The following ARSL variants were observed in gnomAD, a reference collection of about 807,000 sequenced individuals.
The protein encoded by ARSL is arylsulfatase L.
In ARSL, 4 loss-of-function variants were observed where a neutral mutation model predicts 31.1. The ratio of observed to expected loss-of-function variants is 0.13; its 90% CI spans 0.06 to 0.29. The LOEUF (loss-of-function observed/expected upper bound fraction) is 0.29, where lower values mean the gene tolerates loss of function less well. Among genes scored for constraint, ARSL ranks in the 10% least tolerant of loss-of-function variants. ARSL has a pLI of 1.00. For missense variants in ARSL, 312 were observed against 497.8 expected (o/e 0.63, Z 3.55); for synonymous variants, 198 against 209.9 (o/e 0.94, Z 0.49).
At chrX:2,960,805 G>T (rs781110434) in intron 1 of ARSL, among the ~76,000 whole-genome samples, 2 of 111,203 alleles carry the variant, frequency 1.8e-5, no homozygotes, top group Non-Finnish European at 3.8e-5. Context: ...CCCAGGGCAG[G>T]GGTGATTCCT....
intron 2 of ARSL, among the ~76,000 whole-genome samples, chrX:2,960,113 C>CAA (rs1462437508): frequency 1.1e-5 from 1 of 95,224 alleles, no homozygotes; most frequent in Non-Finnish European, 2.1e-5. Context: ...ACTAAAAATA[C>CAA]AAAAAATTAG....
upstream of ARSL, among the ~76,000 whole-genome samples, chrX:2,965,824 C>T (rs895399313): frequency 4.5e-5 from 5 of 112,030 alleles, no homozygotes; most frequent in Admixed American, 1.9e-4. Flanking sequence ...TCGCTTGAAC[C>T]CGGGAGACGG....
intron 8 of ARSL, among the ~76,000 whole-genome samples, chrX:2,941,868 G>C (rs2089287187): frequency 1.8e-5 from 2 of 112,418 alleles, no homozygotes; most frequent in South Asian, 7.3e-4. Flanking sequence ...CTCTTCAAAT[G>C]TTTTACAGAG....
chrX:2,944,311 A>T (rs1023014754), intron 7 of ARSL, among the ~76,000 whole-genome samples: 1 of 108,682 alleles, frequency 9.2e-6, no homozygotes, highest in Non-Finnish European at 1.9e-5. Flanking sequence ...AAAATTAGCC[A>T]GGCATGGTGG....
chrX:2,952,091 T>C (rs1250680258), intron 5 of ARSL, among the ~76,000 whole-genome samples: 2 of 110,846 alleles, frequency 1.8e-5, no homozygotes, highest in Admixed American at 9.8e-5. Context: ...AATTTTATTT[T>C]TCATCCAATA....
intron 5 of ARSL, among the ~76,000 whole-genome samples, chrX:2,950,414 T>C (rs1356707742): frequency 9.0e-6 from 1 of 111,621 alleles, no homozygotes; most frequent in Non-Finnish European, 1.9e-5. Context: ...TAAAATGAGG[T>C]CATTAGTTTG....
chrX:2,957,708 CAAA>C (rs761423845), intron 3 of ARSL, among the ~76,000 whole-genome samples: 2 of 53,977 alleles, frequency 3.7e-5, no homozygotes, highest in African/African-American at 6.3e-5. Flanking sequence ...GATTCTGTCT[CAAA>C]AAAAAAAAAA....
At chrX:2,960,327 A>C in intron 2 of ARSL, 51 bp downstream of exon 2, 2 of 770,977 alleles carry the variant, frequency 2.6e-6, no homozygotes, top group South Asian at 5.2e-5. Context: ...GAAGAGAAAG[A>C]AAGAAAGAAA....
At chrX:2,965,564 A>T (rs1430816592), upstream of ARSL, among the ~76,000 whole-genome samples, 2 of 110,467 alleles carry the variant, frequency 1.8e-5, no homozygotes, top group Non-Finnish European at 3.8e-5. Context: ...CAAAAAAAAA[A>T]GTAAAAAAAG....
At chrX:2,966,215 AT>A (rs751615399), upstream of ARSL, among the ~76,000 whole-genome samples, 35 of 111,306 alleles carry the variant, frequency 3.1e-4, no homozygotes, top group South Asian at 0.013. Context: ...AGCCTGACTC[AT>A]TTTTACAAGT....
rs73632981 is a variant in ARSL at position 2,935,824 on chromosome X, T to C, written c.1412-634A>G. Among the ~76,000 whole-genome samples the C allele has an allele frequency of 7.0e-3, 755 of 107,949 alleles. 6 individuals carry two copies. Among genetic ancestry groups the C allele is most frequent in the African/African-American group, 0.023 (694 of 29,596 alleles). The allele number at this position is 107,949 out of a possible 115,157, so 93.7% of individuals were successfully genotyped here. On this transcript the variant is annotated intron_variant, in intron 10 of 10. Coordinates refer to ENST00000381134, the MANE Select transcript of ARSL (RefSeq NM_000047.3). Reference sequence around the variant, plus strand: ...TCACAAGTAGCTGGGATTACAGGAGTGCGCCTGTAATTGTTCACAAAGAAG... The same window carrying C: ...TCACAAGTAGCTGGGATTACAGGAGCGCGCCTGTAATTGTTCACAAAGAAG...
At chrX:2,939,260 C>T (rs975361834) in intron 8 of ARSL, among the ~76,000 whole-genome samples, 1 of 111,429 alleles carries the variant, frequency 9.0e-6, no homozygotes, top group Non-Finnish European at 1.9e-5. Context: ...GTGATGTGGC[C>T]ACAAGCTCAG....
intron 8 of ARSL, among the ~76,000 whole-genome samples, chrX:2,939,890 A>C (rs1393667067): frequency 2.2e-3 from 110 of 50,773 alleles, no homozygotes; most frequent in South Asian, 8.5e-3. Flanking sequence ...TTTTTTTTTG[A>C]GACAGAGTCT....
intron 5 of ARSL, among the ~76,000 whole-genome samples, chrX:2,951,585 C>T (rs1464235959): frequency 4.5e-5 from 4 of 88,752 alleles, no homozygotes; most frequent in Non-Finnish European, 6.3e-5. Context: ...GGAGACCAGC[C>T]TGGGTAGCAT....
chrX:2,959,765 T>C lies in ARSL; in HGVS notation c.23+613A>G, dbSNP rs911361792. The C allele has an allele frequency of 9.9e-6, 11 of 1,107,551 alleles. No individual in the cohort carries two copies. In the East Asian group the frequency reaches 2.3e-4, roughly 24 times the overall value. 91.3% of individuals were successfully genotyped at this position (1,107,551 alleles called of 1,213,427 possible). ...ATTCTGAGAAAGCACCATCAAGAGATCCAGAAGCGGTCAGGCGTGGTGGCT... is the reference window on the plus strand; with the variant it reads ...ATTCTGAGAAAGCACCATCAAGAGACCCAGAAGCGGTCAGGCGTGGTGGCT... On this transcript the variant is annotated intron_variant, in intron 2 of 10. Coordinates refer to ENST00000381134, the MANE Select transcript of ARSL (RefSeq NM_000047.3).
intron 2 of ARSL, chrX:2,959,465 A>T: frequency 1.2e-6 from 1 of 806,817 alleles, no homozygotes; most frequent in South Asian, 3.5e-5. Flanking sequence ...ATGCACATGG[A>T]CAGCAGGGCC....
chrX:2,943,107 G>A lies in ARSL; in HGVS notation c.1084C>T (p.Leu362Phe). Residue 362 changes from leucine (L) to phenylalanine (F), a missense_variant, in exon 8 of 11, where the codon CTT becomes TTT. Leu to Phe is a conservative substitution (Grantham distance 22). Coordinates refer to ENST00000381134, the MANE Select transcript of ARSL (RefSeq NM_000047.3). ...SDHGGSLENQLGNTQYGGWNG... is the reference protein window; with the variant it reads ...SDHGGSLENQFGNTQYGGWNG... ...CAGCCACCATACTGGGTGTTTCCAAGTTGATTCTCTAGGGAACCGCCGTGA... is the reference window on the plus strand; with the variant it reads ...CAGCCACCATACTGGGTGTTTCCAAATTGATTCTCTAGGGAACCGCCGTGA... 1 of 1,211,179 alleles carries A rather than the reference G, an allele frequency of 8.3e-7. No homozygotes were observed. The highest frequency in any genetic ancestry group is 1.1e-6 in the Non-Finnish European group (1 of 895,283).
intron 1 of ARSL, 48 bp from the exon 2 acceptor site, chrX:2,960,468 C>T (rs756585536): frequency 8.5e-7 from 1 of 1,173,535 alleles, no homozygotes; most frequent in Non-Finnish European, 1.2e-6. Context: ...CAGAAATTGA[C>T]CTGATTATAA....
At chrX:2,963,755 G>A (rs1327440029) in intron 1 of ARSL, among the ~76,000 whole-genome samples, 1 of 105,619 alleles carries the variant, frequency 9.5e-6, no homozygotes, top group African/African-American at 3.5e-5. Flanking sequence ...TTTTGCTCAG[G>A]CTGGTCTCAA....
Sources: gnomAD v4.1 joint callset for allele counts (sites outside exome capture counted in the v4.1 genomes callset) on GRCh38, gnomAD v4.1.1 for gene constraint, MANE v1.5 for transcripts, NCBI Gene and HGNC (gene_info 2026-07-23, HGNC 2026-07-21) for gene names.